Variants in GPI observed in about 807,000 individuals in gnomAD.
GPI encodes D-hexose-6-phosphate anomerase.
A neutral mutation model predicts 75.8 loss-of-function variants in GPI; 56 were observed. The observed-to-expected ratio is 0.74, with a 90% confidence interval of 0.60 to 0.92. GPI has a LOEUF of 0.92. Ranked by LOEUF, GPI falls within the 40% of genes least tolerant of loss-of-function variation. The pLI is 0.00. For synonymous variants in GPI, 288 were observed against 285.4 expected, an observed-to-expected ratio of 1.01 and a Z score of -0.09; for missense variants, 638 against 741.0, an observed-to-expected ratio of 0.86 and a Z score of 1.61.
chr19:34,366,112 C>T (rs1250394607), intron 1 of GPI: 9 of 692,640 alleles, frequency 1.3e-5, no homozygotes, highest in Non-Finnish European at 2.1e-5. Flanking sequence ...GCTCCTCATC[C>T]AGGGTCTGCC....
intron 4 of GPI, among the ~76,000 whole-genome samples, chr19:34,375,191 A>G (rs568378814): frequency 7.1e-4 from 105 of 148,324 alleles, no homozygotes; most frequent in African/African-American, 2.5e-3. Context: ...CGCCCAGGCT[A>G]GAGTGCAATG....
intron 9 of GPI, among the ~76,000 whole-genome samples, chr19:34,388,457 A>C (rs2074771225): frequency 6.6e-6 from 1 of 151,280 alleles, no homozygotes; most frequent in African/African-American, 2.4e-5. Flanking sequence ...CCTGGGCGAC[A>C]GAGTGAGAGA....
At chr19:34,388,998 T>C (rs1181034276) in intron 9 of GPI, among the ~76,000 whole-genome samples, 1 of 151,590 alleles carries the variant, frequency 6.6e-6, no homozygotes, top group East Asian at 1.9e-4. Context: ...GAGGCTGAGA[T>C]GGGAGGATCA....
chr19:34,365,785 G>A (rs1477250144), intron 1 of GPI: 1 of 474,740 alleles, frequency 2.1e-6, no homozygotes, highest in East Asian at 6.5e-5. Context: ...CATGAGCTTG[G>A]GAGCGTCTGC....
chr19:34,399,692 G>A, intron 16 of GPI, 27 bp from the exon 17 acceptor site: 1 of 1,613,758 alleles, frequency 6.2e-7, no homozygotes, highest in Non-Finnish European at 8.5e-7. Context: ...GTGGAGCCCT[G>A]ATGTGCCCTG....
At chr19:34,373,325 G>T (rs967780587) in intron 4 of GPI, among the ~76,000 whole-genome samples, 12 of 151,462 alleles carry the variant, frequency 7.9e-5, no homozygotes, top group African/African-American at 2.9e-4. Flanking sequence ...TGAGGTGGAG[G>T]TTACTGAGAG....
At chr19:34,394,492 G>C (rs2074916602) in intron 12 of GPI, among the ~76,000 whole-genome samples, 1 of 147,594 alleles carries the variant, frequency 6.8e-6, no homozygotes, top group Non-Finnish European at 1.5e-5. Context: ...GTCTGTCCAT[G>C]TCTGAGGAGG....
At chr19:34,386,928 GCTC>G (rs2074744049) in intron 9 of GPI, among the ~76,000 whole-genome samples, 1 of 152,186 alleles carries the variant, frequency 6.6e-6, no homozygotes, top group African/African-American at 2.4e-5. Context: ...GAGGTCTGAG[GCTC>G]CTCAGTGAGC....
At chr19:34,390,165 T>C (rs921554626) in intron 9 of GPI, among the ~76,000 whole-genome samples, 2 of 152,178 alleles carry the variant, frequency 1.3e-5, no homozygotes, top group Admixed American at 6.5e-5. Context: ...TGAGTCTTCA[T>C]TGTTCAACAA....
upstream of GPI, among the ~76,000 whole-genome samples, chr19:34,362,863 A>C (rs917982840): frequency 9.8e-5 from 15 of 152,342 alleles, no homozygotes; most frequent in South Asian, 4.1e-4. Flanking sequence ...GACCCTGTTT[A>C]GCTGGCATAA....
In GPI at chr19:34,401,071, G is replaced by A. The variant is rs1325058350; in HGVS notation, c.*1035G>A. 7.1e-6 allele frequency: 1 copy of A among 140,688 alleles called. No individual in the cohort carries two copies. Among genetic ancestry groups the A allele is most frequent in the African/African-American group, 2.7e-5 (1 of 36,918 alleles). 8.7% of individuals were successfully genotyped at this position (140,688 alleles called of 1,614,324 possible). On this transcript the variant is annotated 3_prime_UTR_variant, in exon 18 of 18. Transcript: ENST00000356487. Reference sequence around the variant, plus strand: ...CAACTTTTTTTTTTTTTTGAGACAGGGTCTTGTTCCATTGCCCAGACTGGA... The same window carrying A: ...CAACTTTTTTTTTTTTTTGAGACAGAGTCTTGTTCCATTGCCCAGACTGGA...
intron 9 of GPI, among the ~76,000 whole-genome samples, chr19:34,382,104 A>C (rs1432079326): frequency 6.6e-6 from 1 of 152,130 alleles, no homozygotes; most frequent in Non-Finnish European, 1.5e-5. Context: ...TTCCTTGTGC[A>C]CTTGCCTGAG....
chr19:34,393,931 G>A lies in GPI; in HGVS notation c.927G>A (p.Thr309=), dbSNP rs745893102. 7 of 1,613,596 alleles carry A rather than the reference G, an allele frequency of 4.3e-6. No homozygotes were observed. The South Asian group carries it at 5.5e-5, about 13-fold the overall frequency. Residue 309 remains threonine, a synonymous_variant, in exon 12 of 18, where the codon ACG becomes ACA. Coordinates refer to ENST00000356487, the MANE Select transcript of GPI (RefSeq NM_000175.5). The surrounding 1 kb of genome is among the most constrained non-coding windows in gnomAD (Gnocchi z 4.4). ...GAHWMDQHFR[T]TPLEKNAPVL... is the part of the protein sequence containing the mutation. Reference sequence around the variant, plus strand: ...TGTTTCAGGACCAGCACTTCCGCACGACGCCCCTGGAGAAGAACGCCCCCG... The same window carrying A: ...TGTTTCAGGACCAGCACTTCCGCACAACGCCCCTGGAGAAGAACGCCCCCG...
chr19:34,390,907 C>G (rs1455596603), intron 9 of GPI, among the ~76,000 whole-genome samples: 1 of 116,608 alleles, frequency 8.6e-6, no homozygotes, highest in Non-Finnish European at 1.8e-5. Context: ...GCACCTGGCA[C>G]AGGTATGAGG....
intron 9 of GPI, among the ~76,000 whole-genome samples, chr19:34,389,015 C>T (rs1446242371): frequency 6.6e-6 from 1 of 151,940 alleles, no homozygotes; most frequent in African/African-American, 2.4e-5. Flanking sequence ...ATCACTTGAG[C>T]CCAGGAGTTT....
chr19:34,372,684 T>C (rs1234098598), intron 4 of GPI, among the ~76,000 whole-genome samples: 1 of 152,188 alleles, frequency 6.6e-6, no homozygotes, highest in Non-Finnish European at 1.5e-5. Flanking sequence ...CAGTGGCTCT[T>C]GTATAATCCC....
At chr19:34,368,924 T>G in intron 4 of GPI, 2 of 618,124 alleles carry the variant, frequency 3.2e-6, no homozygotes, top group Non-Finnish European at 5.8e-6. Context: ...CTGGCAGAAG[T>G]GGGGCCAGTT....
At chr19:34,366,740 G>T (rs748118900) in intron 2 of GPI, 43 bp from the exon 3 acceptor site, 6 of 1,385,866 alleles carry the variant, frequency 4.3e-6, no homozygotes, top group East Asian at 2.3e-5. Context: ...ACTTGGGGTG[G>T]CCAGTGTGGG....
At chr19:34,399,677 G>A (rs1352798639) in intron 16 of GPI, 42 bp from the exon 17 acceptor site, 2 of 1,613,744 alleles carry the variant, frequency 1.2e-6, no homozygotes, top group Admixed American at 3.3e-5. Flanking sequence ...GGTTGGAATG[G>A]GCTTGTGGAG....
Sources: allele counts gnomAD v4.1 joint callset (sites outside exome capture counted in the v4.1 genomes callset), GRCh38; gene constraint gnomAD v4.1.1; non-coding constraint Gnocchi (gnomAD v3.1); transcripts MANE v1.5; gene names NCBI Gene and HGNC (gene_info 2026-07-23, HGNC 2026-07-21).